USP6NL: variants seen among roughly 807,000 people sequenced by gnomAD.
USP6NL encodes USP6 N-terminal-like protein.
USP6NL carries 26 observed loss-of-function variants against 61.9 expected under a neutral mutation model. The observed-to-expected ratio is 0.42, with a 90% CI of 0.31 to 0.58. The LOEUF (loss-of-function observed/expected upper bound fraction) is 0.58, where lower values mean the gene tolerates loss of function less well. Ranked by LOEUF, USP6NL falls within the 20% of genes least tolerant of loss-of-function variation. The probability of loss-of-function intolerance (pLI) is 0.16; values close to 1 mark genes in which losing one functional copy is unlikely to be tolerated. For missense variants in USP6NL, 1,114 were observed against 1,034.3 expected (o/e 1.08, Z -1.06); for synonymous variants, 432 against 390.1 (o/e 1.11, Z -1.27).
chr10:11,557,850 T>G (rs1213775662), intron 2 of USP6NL, among the ~76,000 whole-genome samples: 2 of 152,170 alleles, frequency 1.3e-5, no homozygotes, highest in African/African-American at 4.8e-5. Context: ...CCAACAGTAT[T>G]AGTCTGCTGG....
chr10:11,475,351 T>C (rs916519084), intron 14 of USP6NL, among the ~76,000 whole-genome samples: 2 of 151,038 alleles, frequency 1.3e-5, no homozygotes, highest in African/African-American at 4.9e-5. Context: ...CTCACGCCTG[T>C]AATCCCAGCA....
intron 1 of USP6NL, among the ~76,000 whole-genome samples, chr10:11,603,152 C>A (rs957978594): frequency 2.6e-5 from 4 of 152,194 alleles, no homozygotes; most frequent in Admixed American, 2.6e-4. Context: ...CATCTGGTTT[C>A]ATCGGTTTCT....
chr10:11,463,040 G>T lies in USP6NL; in HGVS notation c.1888C>A (p.Pro630Thr). ...TAAACGGGGGGATTGCTGTAGGAGG[G>T]GGGATGAGCTAGCCCTCGGGCTTCC... ...DGEARGLAHPPSYSNPPVYHG... is the reference protein window; with the variant it reads ...DGEARGLAHPTSYSNPPVYHG... The change falls in exon 15 of 15, where the codon CCC becomes ACC. Residue 630 changes from proline (P) to threonine (T), a missense_variant. By Grantham distance (38) the Pro-to-Thr change is conservative (BLOSUM62 -1). Transcript: ENST00000609104. The surrounding 1 kb of genome is among the most constrained non-coding windows in gnomAD (Gnocchi z 6.3). 1 of 1,613,984 alleles carries T rather than the reference G, an allele frequency of 6.2e-7. No homozygotes were observed. The highest frequency in any genetic ancestry group is 8.5e-7 in the Non-Finnish European group (1 of 1,179,890).
intron 5 of USP6NL, among the ~76,000 whole-genome samples, chr10:11,517,981 G>C (rs533585914): frequency 1.3e-5 from 2 of 152,170 alleles, no homozygotes; most frequent in Admixed American, 6.5e-5. Context: ...CCAGTTCCTT[G>C]CTATGTATAA....
intron 2 of USP6NL, among the ~76,000 whole-genome samples, chr10:11,538,273 A>G (rs924836528): frequency 6.6e-6 from 1 of 152,176 alleles, no homozygotes; most frequent in Non-Finnish European, 1.5e-5. Context: ...CAAAACTAGA[A>G]TTGTAAGCTG....
At position 11,485,753 on chromosome 10, in the gene USP6NL, T is replaced by C. The variant is rs1321540961; in HGVS notation, c.759+64A>G. ...TAAGGTAATTGGACCAAAGACAATT[T>C]AATTATCCCAGCTTTTTTTGGGGGG... On this transcript the variant is annotated intron_variant, in intron 11 of 14. Transcript: ENST00000609104. This position sits in a 1 kb window ranked among gnomAD's most constrained non-coding sequence, Gnocchi z 4.8. The C allele has an allele frequency of 9.2e-6, 10 of 1,084,568 alleles. No homozygotes were observed. Among genetic ancestry groups the C allele is most frequent in the African/African-American group, 1.6e-5 (1 of 62,232 alleles). 67.2% of individuals were successfully genotyped at this position (1,084,568 alleles called of 1,614,324 possible).
chr10:11,568,174 T>TGTGC (rs568672733), intron 2 of USP6NL, among the ~76,000 whole-genome samples: 158 of 135,230 alleles, frequency 1.2e-3, no homozygotes, highest in South Asian at 5.5e-3. Flanking sequence ...TGTGTGTGTG[T>TGTGC]GCGCGCGCGC....
intron 7 of USP6NL, among the ~76,000 whole-genome samples, chr10:11,494,745 CAGAG>C (rs1833844888): frequency 1.5e-5 from 2 of 137,408 alleles, no homozygotes; most frequent in Non-Finnish European, 1.6e-5. Context: ...GAGAGGGAGA[CAGAG>C]AGACAGCTTA....
intron 5 of USP6NL, among the ~76,000 whole-genome samples, chr10:11,512,828 G>A (rs1357816563): frequency 1.3e-5 from 2 of 152,150 alleles, no homozygotes; most frequent in African/African-American, 2.4e-5. Flanking sequence ...AAAACCAACT[G>A]TTCCCTTAGC....
rs1437293949 is a variant in USP6NL, at chr10:11,587,165, T to C, written c.4+10466A>G. On this transcript the variant is annotated intron_variant, in intron 2 of 14. Transcript: ENST00000609104. This position sits in a 1 kb window ranked among gnomAD's most constrained non-coding sequence, Gnocchi z 4.5. Reference sequence around the variant, plus strand: ...TCATCTAAGACCACCACAGAAACAGTACATATGTAGGGGCTCATTAAGTAT... The same window carrying C: ...TCATCTAAGACCACCACAGAAACAGCACATATGTAGGGGCTCATTAAGTAT... Among the ~76,000 whole-genome samples the C allele has an allele frequency of 6.6e-6, 1 of 152,190 alleles. No individual in the cohort carries two copies. The highest frequency in any genetic ancestry group is 2.4e-5 in the African/African-American group (1 of 41,432).
In USP6NL at chr10:11,468,166, G is replaced by C. The variant is rs1444506016; in HGVS notation, c.1079-4317C>G. 6.6e-6 allele frequency among the ~76,000 whole-genome samples: 1 copy of C among 152,144 alleles called. No individual in the cohort carries two copies. The highest frequency in any genetic ancestry group is 1.5e-5 in the Non-Finnish European group (1 of 68,028). ...AATCCATTTATTGATTCTTGCCTCA[G>C]ACAGGCATCATGTTTACTTGTCTGT... is the stretch of plus-strand genomic sequence containing the variant. On this transcript the variant is annotated intron_variant, in intron 14 of 14. Transcript: ENST00000609104. This position sits in a 1 kb window ranked among gnomAD's most constrained non-coding sequence, Gnocchi z 4.5.
chr10:11,486,052 C>A, intron 10 of USP6NL, 141 bp from the exon 11 acceptor site: 1 of 580,350 alleles, frequency 1.7e-6, no homozygotes, highest in Non-Finnish European at 2.8e-6. Flanking sequence ...TTCTCCCCAC[C>A]TAGGAAAAAA....
intron 13 of USP6NL, among the ~76,000 whole-genome samples, chr10:11,484,639 T>C (rs1833381444): frequency 1.3e-5 from 2 of 152,154 alleles, no homozygotes; most frequent in Non-Finnish European, 1.5e-5. Context: ...AGATTCAGAC[T>C]GATGAAAAGG....
chr10:11,490,886 G>GA lies in USP6NL; in HGVS notation c.495-7dup, dbSNP rs778347422. On this transcript the variant is annotated splice_region_variant and splice_polypyrimidine_tract_variant and intron_variant, in intron 8 of 14. Transcript: ENST00000609104. This position sits in a 1 kb window ranked among gnomAD's most constrained non-coding sequence, Gnocchi z 4.5. ...CATGGAATAAGGATTGTTGCCTAGA[G>GA]AAAAAAATTTACATTAAATACAATT... The GA allele has an allele frequency of 1.1e-5, 17 of 1,523,166 alleles. No individual in the cohort carries two copies. The African/African-American group carries it at 2.1e-4, about 19-fold the overall frequency. 94.4% of individuals were successfully genotyped at this position (1,523,166 alleles called of 1,614,324 possible). A position where few individuals can be genotyped will look rare whatever the true frequency, so the allele number is the denominator to read the frequency against.
chr10:11,497,857 AAAAT>A (rs1481532253), intron 7 of USP6NL, among the ~76,000 whole-genome samples: 4 of 152,214 alleles, frequency 2.6e-5, no homozygotes, highest in African/African-American at 9.7e-5. Context: ...CAGTAATATA[AAAAT>A]AAATACTTTA....
At chr10:11,547,542 C>CTTTT (rs11409797) in intron 2 of USP6NL, among the ~76,000 whole-genome samples, 4 of 137,996 alleles carry the variant, frequency 2.9e-5, no homozygotes, top group African/African-American at 8.2e-5. Flanking sequence ...CATTTTAAAA[C>CTTTT]TTTTTTTTTT....
In USP6NL at chr10:11,493,156, GA is replaced by G; in HGVS notation, c.456del (p.Arg153GlyfsTer37). 6.2e-7 allele frequency: 1 copy of G among 1,612,118 alleles called. No individual in the cohort carries two copies. The highest frequency in any genetic ancestry group is 8.5e-7 in the Non-Finnish European group (1 of 1,179,074). ...RQIDLDVNRT[F>X]RDHIMFRDRY... ...CTGTCTCTAAACATAATGTGGTCCC[GA>G]AATGTGCGGTTGACATCCAGGTCTA... On this transcript the variant is annotated frameshift_variant, in exon 8 of 15. Coordinates refer to ENST00000609104, the MANE Select transcript of USP6NL (RefSeq NM_014688.5). LOFTEE classifies it high-confidence loss of function.
intron 7 of USP6NL, among the ~76,000 whole-genome samples, chr10:11,500,401 T>G (rs1834130950): frequency 6.6e-6 from 1 of 152,222 alleles, no homozygotes; most frequent in South Asian, 2.1e-4. Flanking sequence ...TTAATTTTTT[T>G]GTACATATTT....
At chr10:11,590,126 G>C (rs1044539847) in intron 2 of USP6NL, among the ~76,000 whole-genome samples, 6 of 152,182 alleles carry the variant, frequency 3.9e-5, no homozygotes, top group African/African-American at 1.2e-4. Flanking sequence ...GTAGGAGTGG[G>C]AGACTGGGAT....
Sources: gnomAD v4.1 joint callset for allele counts (sites outside exome capture counted in the v4.1 genomes callset) on GRCh38, gnomAD v4.1.1 for gene constraint, Gnocchi (gnomAD v3.1) non-coding constraint, MANE v1.5 for transcripts, NCBI Gene and HGNC (gene_info 2026-07-23, HGNC 2026-07-21) for gene names.